Variants in DPYS observed in about 807,000 individuals in gnomAD.
DPYS encodes the protein dihydropyrimidine amidohydrolase.
A neutral mutation model predicts 50.3 loss-of-function variants in DPYS; 39 were observed. The ratio of observed to expected loss-of-function variants is 0.78; its 90% CI spans 0.60 to 1.01. The LOEUF (loss-of-function observed/expected upper bound fraction) is 1.01, where lower values mean the gene tolerates loss of function less well. Among genes scored for constraint, DPYS ranks in the 50% least tolerant of loss-of-function variants. The probability of loss-of-function intolerance (pLI) is 0.00; values close to 1 mark genes in which losing one functional copy is unlikely to be tolerated. For missense variants in DPYS, 659 were observed against 680.9 expected (o/e 0.97, Z 0.36); for synonymous variants, 245 against 250.7 (o/e 0.98, Z 0.22).
intron 7 of DPYS, among the ~76,000 whole-genome samples, chr8:104,406,811 A>G (rs2140560233): frequency 6.6e-6 from 1 of 152,308 alleles, no homozygotes; most frequent in East Asian, 1.9e-4. Flanking sequence ...ATGCACACAT[A>G]TGCATATGTA....
intron 7 of DPYS, chr8:104,419,092 G>A (rs936005017): frequency 4.2e-5 from 41 of 984,330 alleles, no homozygotes; most frequent in Admixed American, 6.1e-5. Context: ...TAAGACCAGC[G>A]AGACAGTTCT....
At position 104,394,549 on chromosome 8, in the gene DPYS, C is replaced by T. The variant is rs182006375; in HGVS notation, c.1236-1558G>A. Among the ~76,000 whole-genome samples the T allele has an allele frequency of 5.9e-4, 89 of 152,080 alleles. 1 individual carries two copies. Among genetic ancestry groups the T allele is most frequent in the East Asian group, 4.6e-3 (24 of 5,164 alleles). ...CCATGGCTCCCACTGGAGTCTATAC[C>T]GTCATCTCTCACCTGGACAACCCCA... On this transcript the variant is annotated intron_variant, in intron 7 of 9. Coordinates refer to ENST00000351513, the MANE Select transcript of DPYS (RefSeq NM_001385.3).
intron 2 of DPYS, 99 bp downstream of exon 2, chr8:104,451,147 C>T (rs1813721831): frequency 6.7e-7 from 1 of 1,492,232 alleles, no homozygotes; most frequent in East Asian, 2.3e-5. Flanking sequence ...GTTCTGTCCT[C>T]CTGTTGTCTA....
chr8:104,431,591 T>C (rs1206247946), intron 4 of DPYS, among the ~76,000 whole-genome samples: 1 of 152,106 alleles, frequency 6.6e-6, no homozygotes, highest in South Asian at 2.1e-4. Context: ...GGATAATCCA[T>C]AAATTGGATA....
intron 8 of DPYS, among the ~76,000 whole-genome samples, chr8:104,383,880 G>A (rs1811132254): frequency 6.6e-6 from 1 of 152,110 alleles, no homozygotes; most frequent in African/African-American, 2.4e-5. Flanking sequence ...GGGATTACAG[G>A]CGTGAGCCAC....
intron 7 of DPYS, among the ~76,000 whole-genome samples, chr8:104,400,233 C>G (rs1434101058): frequency 2.0e-5 from 3 of 152,158 alleles, no homozygotes; most frequent in Admixed American, 6.5e-5. Flanking sequence ...AAGTCCCTGA[C>G]TGATAGACAC....
chr8:104,388,898 A>G (rs1324921750), intron 8 of DPYS, among the ~76,000 whole-genome samples: 2 of 152,238 alleles, frequency 1.3e-5, no homozygotes, highest in Non-Finnish European at 2.9e-5. Flanking sequence ...TCAAGCTCTC[A>G]CAAGATAATC....
At chr8:104,395,803 C>G (rs1811563746) in intron 7 of DPYS, among the ~76,000 whole-genome samples, 1 of 151,072 alleles carries the variant, frequency 6.6e-6, no homozygotes. Flanking sequence ...AATGTAAATA[C>G]CCAGGAGTGA....
chr8:104,427,007 C>T (rs1445911820), intron 6 of DPYS, among the ~76,000 whole-genome samples: 1 of 151,964 alleles, frequency 6.6e-6, no homozygotes, highest in African/African-American at 2.4e-5. Flanking sequence ...TTGAAACCAG[C>T]CTGGCCAACA....
Position 104,447,321 on chromosome 8 carries a change from T to G in DPYS, c.603+3A>C. Reference sequence around the variant, plus strand: ...GTAGAAGCTTTGGAATGCAAATGCGTACCTCTGCAATTAAGTCTCCATTTT... The same window carrying G: ...GTAGAAGCTTTGGAATGCAAATGCGGACCTCTGCAATTAAGTCTCCATTTT... On this transcript the variant is annotated splice_donor_region_variant and intron_variant, in intron 3 of 9. Transcript: ENST00000351513. The G allele has an allele frequency of 1.9e-6, 3 of 1,614,140 alleles. No homozygotes were observed. Among genetic ancestry groups the G allele is most frequent in the Non-Finnish European group, 2.5e-6 (3 of 1,179,990 alleles).
rs534784307 is a variant in DPYS at position 104,414,527 on chromosome 8, G to C, written c.1235+9720C>G. 3.9e-5 allele frequency among the ~76,000 whole-genome samples: 6 copies of C among 152,172 alleles called. No individual in the cohort carries two copies. In the East Asian group the frequency reaches 1.2e-3, roughly 29 times the overall value. On this transcript the variant is annotated intron_variant, in intron 7 of 9. Coordinates refer to ENST00000351513, the MANE Select transcript of DPYS (RefSeq NM_001385.3). Reference sequence around the variant, plus strand: ...AAAAAAAAATAGTAAATCAACTTAAGTTTTTTGGTGTTTTGGTCAGGCCAT... The same window carrying C: ...AAAAAAAAATAGTAAATCAACTTAACTTTTTTGGTGTTTTGGTCAGGCCAT...
chr8:104,403,307 C>T (rs905684921), intron 7 of DPYS, among the ~76,000 whole-genome samples: 9 of 152,190 alleles, frequency 5.9e-5, no homozygotes, highest in African/African-American at 2.2e-4. Context: ...TCCATGGTTC[C>T]CTTCCATGAC....
chr8:104,422,409 T>C (rs1002300727), intron 7 of DPYS, among the ~76,000 whole-genome samples: 3 of 152,198 alleles, frequency 2.0e-5, no homozygotes, highest in African/African-American at 7.2e-5. Flanking sequence ...CTGAATCTCA[T>C]GAAGAAACAT....
chr8:104,451,444 T>C (rs1813738065), intron 1 of DPYS, 40 bp from the exon 2 acceptor site: 1 of 1,612,600 alleles, frequency 6.2e-7, no homozygotes, highest in Non-Finnish European at 8.5e-7. Context: ...AGCTATCAAT[T>C]TCCTAGTTAA....
intron 4 of DPYS, among the ~76,000 whole-genome samples, chr8:104,437,286 C>T (rs1813185348): frequency 6.6e-6 from 1 of 152,180 alleles, no homozygotes. Context: ...ACCAGAGCAA[C>T]TCCATCTTGA....
chr8:104,409,504 A>G (rs1427712616), intron 7 of DPYS, among the ~76,000 whole-genome samples: 1 of 152,160 alleles, frequency 6.6e-6, no homozygotes, highest in African/African-American at 2.4e-5. Context: ...AATTTAAAAA[A>G]TCTTAAAAAA....
At position 104,400,987 on chromosome 8, in the gene DPYS, C is replaced by G. The variant is rs531152317; in HGVS notation, c.1236-7996G>C. 2.6e-5 allele frequency among the ~76,000 whole-genome samples: 4 copies of G among 152,296 alleles called. No individual in the cohort carries two copies. In the East Asian group the frequency reaches 7.7e-4, roughly 29 times the overall value. The stretch of plus-strand genomic sequence containing the variant: ...AGGAGATAGCAACACCACCCATATG[C>G]ATTCAGAAGGAGCATTGTGGAGAGG... On this transcript the variant is annotated intron_variant, in intron 7 of 9. Transcript: ENST00000351513.
At chr8:104,427,879 A>G in intron 6 of DPYS, 101 bp downstream of exon 6, 1 of 1,583,058 alleles carries the variant, frequency 6.3e-7, no homozygotes, top group Non-Finnish European at 8.7e-7. Flanking sequence ...AAAAACAATC[A>G]AAAAGCTTCT....
intron 4 of DPYS, among the ~76,000 whole-genome samples, chr8:104,440,035 A>G: frequency 6.6e-6 from 1 of 152,206 alleles, no homozygotes; most frequent in Non-Finnish European, 1.5e-5. Flanking sequence ...AGCATGAAGC[A>G]TTATTATGAC....
Sources: gnomAD v4.1 joint callset for allele counts (sites outside exome capture counted in the v4.1 genomes callset) on GRCh38, gnomAD v4.1.1 for gene constraint, MANE v1.5 for transcripts, NCBI Gene and HGNC (gene_info 2026-07-23, HGNC 2026-07-21) for gene names.